The following WDR48 variants were observed in gnomAD, a reference collection of about 807,000 sequenced individuals.
WDR48 encodes WD repeat-containing protein 48.
A neutral mutation model predicts 94.0 loss-of-function variants in WDR48; 22 were observed. That is an observed-to-expected ratio of 0.23 (90% CI 0.17 to 0.33). The LOEUF (loss-of-function observed/expected upper bound fraction) is 0.33, where lower values mean the gene tolerates loss of function less well. Among genes scored for constraint, WDR48 ranks in the 10% least tolerant of loss-of-function variants. WDR48 has a pLI of 1.00. For missense variants in WDR48, 541 were observed against 813.8 expected (o/e 0.66, Z 4.08); for synonymous variants, 278 against 280.5 (o/e 0.99, Z 0.09).
intron 16 of WDR48, chr3:39,089,601 C>G (rs1334830490): frequency 4.6e-6 from 1 of 215,646 alleles, no homozygotes; most frequent in African/African-American, 2.3e-5. Context: ...TGCCCATTCA[C>G]TCCCTATCCT....
intron 9 of WDR48, 22 bp downstream of exon 9, chr3:39,077,235 C>A: frequency 6.2e-7 from 1 of 1,612,556 alleles, no homozygotes. Flanking sequence ...ATTAACCTGG[C>A]AAAGGTTTAT....
At chr3:39,093,425 C>T (rs964365508) in intron 17 of WDR48, among the ~76,000 whole-genome samples, 4 of 152,130 alleles carry the variant, frequency 2.6e-5, no homozygotes, top group South Asian at 2.1e-4. Context: ...AGTGCAGTGG[C>T]GTATCTTGGC....
chr3:39,072,922 A>C (rs972653800), intron 7 of WDR48, among the ~76,000 whole-genome samples: 5 of 152,194 alleles, frequency 3.3e-5, no homozygotes, highest in African/African-American at 1.2e-4. Context: ...TTACCATCAG[A>C]GATTACTTGG....
At position 39,094,986 on chromosome 3, in the gene WDR48, T is replaced by C; in HGVS notation, c.*243T>C. ...GAGCAGAAGAGCCCCAAGCAGACTA[T>C]GTCTTTCAAGATGTACAGAAGACTG... On this transcript the variant is annotated 3_prime_UTR_variant, in exon 19 of 19. Transcript: ENST00000302313. The C allele has an allele frequency of 1.8e-6, 1 of 549,782 alleles. No individual in the cohort carries two copies. Among genetic ancestry groups the C allele is most frequent in the Non-Finnish European group, 3.2e-6 (1 of 313,782 alleles). 34.1% of individuals were successfully genotyped at this position (549,782 alleles called of 1,614,324 possible).
intron 9 of WDR48, 50 bp downstream of exon 9, chr3:39,077,263 T>C (rs747978797): frequency 1.9e-6 from 3 of 1,605,078 alleles, no homozygotes; most frequent in African/African-American, 1.3e-5. Flanking sequence ...TATTTTGTTA[T>C]CACAGACCTG....
rs2034332649 is a variant in WDR48 at position 39,078,259 on chromosome 3, T to C, written c.1075+20T>C. The C allele has an allele frequency of 1.3e-6, 2 of 1,542,076 alleles. No individual in the cohort carries two copies. Among genetic ancestry groups the C allele is most frequent in the Non-Finnish European group, 1.8e-6 (2 of 1,124,654 alleles). ...TTAAAGGTAAGAAAATGGAAGGTACTGTACCCCTTATTGAAGTTAGCGATA... is the reference window on the plus strand; with the variant it reads ...TTAAAGGTAAGAAAATGGAAGGTACCGTACCCCTTATTGAAGTTAGCGATA... On this transcript the variant is annotated intron_variant, in intron 10 of 18. Coordinates refer to ENST00000302313, the MANE Select transcript of WDR48 (RefSeq NM_020839.4).
At chr3:39,078,272 G>A (rs763478801) in intron 10 of WDR48, 33 bp downstream of exon 10, 1 of 1,441,768 alleles carries the variant, frequency 6.9e-7, no homozygotes, top group Non-Finnish European at 9.6e-7. Context: ...ACCCCTTATT[G>A]AAGTTAGCGA....
chr3:39,071,242 A>G (rs1424976123), intron 7 of WDR48, among the ~76,000 whole-genome samples: 1 of 152,194 alleles, frequency 6.6e-6, no homozygotes, highest in Non-Finnish European at 1.5e-5. Context: ...GTATATGTAT[A>G]TATATGTGTT....
At position 39,065,820 on chromosome 3, in the gene WDR48, T is replaced by C; in HGVS notation, c.199T>C (p.Tyr67His). The C allele has an allele frequency of 6.2e-7, 1 of 1,604,086 alleles. No individual in the cohort carries two copies. Among genetic ancestry groups the C allele is most frequent in the African/African-American group, 1.3e-5 (1 of 74,316 alleles). Residue 67 changes from tyrosine (Y) to histidine (H), a missense_variant, in exon 3 of 19, where the codon TAT becomes CAT. By Grantham distance (83) the Tyr-to-His change is moderately conservative. Transcript: ENST00000302313. Reference sequence around the variant, plus strand: ...TTTCTTTTAATTTCAGCAAGATCCATATATAGCATCTATGGAACACCATAC... The same window carrying C: ...TTTCTTTTAATTTCAGCAAGATCCACATATAGCATCTATGGAACACCATAC... Reference protein sequence around the residue: ...WSVNQHKQDPYIASMEHHTDW... With the variant: ...WSVNQHKQDPHIASMEHHTDW...
rs200263843 is a variant in WDR48, at chr3:39,083,583, GATA to G, written c.1174-569_1174-567del. Among the ~76,000 whole-genome samples the G allele has an allele frequency of 3.9e-3, 593 of 152,276 alleles. 10 individuals are homozygous for G. The East Asian group carries it at 0.057, about 15-fold the overall frequency. On this transcript the variant is annotated intron_variant, in intron 11 of 18. Transcript: ENST00000302313. ...AAAGGAATCAGAGTCATGTGCTGAG[GATA>G]ATGGGGAAGGTGGCAAGGTCAGAGG... is the stretch of plus-strand genomic sequence containing the variant.
chr3:39,078,001 A>C (rs1456315736), intron 9 of WDR48, 136 bp from the exon 10 acceptor site: 1 of 615,522 alleles, frequency 1.6e-6, no homozygotes, highest in African/African-American at 1.9e-5. Flanking sequence ...TACTGTGACC[A>C]AATATTTTTC....
In WDR48 at chr3:39,085,483, A is replaced by G. The variant is rs201573786; in HGVS notation, c.1379-32A>G. ...TTAAAGCCAAGTAACTCGCTTTTCCATTTTATCTCTTTTTAATTAACTTTT... is the reference window on the plus strand; with the variant it reads ...TTAAAGCCAAGTAACTCGCTTTTCCGTTTTATCTCTTTTTAATTAACTTTT... On this transcript the variant is annotated intron_variant, in intron 13 of 18. Transcript: ENST00000302313. The G allele has an allele frequency of 9.1e-5, 142 of 1,563,208 alleles. No homozygotes were observed. The African/African-American group carries it at 1.5e-3, about 16-fold the overall frequency.
At chr3:39,081,789 G>C (rs2034548839) in intron 11 of WDR48, among the ~76,000 whole-genome samples, 1 of 152,190 alleles carries the variant, frequency 6.6e-6, no homozygotes, top group Admixed American at 6.5e-5. Flanking sequence ...CTCTTGGTCT[G>C]GTTAACTGAG....
intron 7 of WDR48, among the ~76,000 whole-genome samples, chr3:39,071,663 A>C (rs1269349379): frequency 1.3e-5 from 2 of 152,236 alleles, no homozygotes; most frequent in Non-Finnish European, 2.9e-5. Context: ...TTCTACTTTA[A>C]AAACTGCCTG....
intron 1 of WDR48, among the ~76,000 whole-genome samples, chr3:39,062,458 G>A (rs1319222320): frequency 1.3e-5 from 2 of 152,210 alleles, no homozygotes; most frequent in Non-Finnish European, 2.9e-5. Flanking sequence ...TGTGATAGGA[G>A]CTCAAAACCT....
chr3:39,055,564 A>G lies in WDR48; in HGVS notation c.48+3491A>G, dbSNP rs369712305. Among the ~76,000 whole-genome samples, 32 of 152,338 alleles carry G rather than the reference A, an allele frequency of 2.1e-4. No individual in the cohort carries two copies. The South Asian group carries it at 6.6e-3, about 32-fold the overall frequency. ...CATATTAATTGTAGACATAATTTTA[A>G]ATGAGTCCATGTCCTACCATCTTCA... On this transcript the variant is annotated intron_variant, in intron 1 of 18. Coordinates refer to ENST00000302313, the MANE Select transcript of WDR48 (RefSeq NM_020839.4).
chr3:39,083,912 A>G (rs2034664565), intron 11 of WDR48, among the ~76,000 whole-genome samples: 1 of 152,216 alleles, frequency 6.6e-6, no homozygotes, highest in Non-Finnish European at 1.5e-5. Context: ...GAGGTGGTAT[A>G]TTATATCAAT....
rs1410148734 is a variant in WDR48 at position 39,095,084 on chromosome 3, G to C, written c.*341G>C. ...CTTATCTACCCATTAACACTTGTTAGAGACACCTCAGTCGGGCCACAACTG... is the reference window on the plus strand; with the variant it reads ...CTTATCTACCCATTAACACTTGTTACAGACACCTCAGTCGGGCCACAACTG... On this transcript the variant is annotated 3_prime_UTR_variant, in exon 19 of 19. Transcript: ENST00000302313. 1 of 282,350 alleles carries C rather than the reference G, an allele frequency of 3.5e-6. No homozygotes were observed. Among genetic ancestry groups the C allele is most frequent in the Non-Finnish European group, 6.7e-6 (1 of 149,362 alleles). The allele number at this position is 282,350 out of a possible 1,614,324, so 17.5% of individuals were successfully genotyped here. A position where few individuals can be genotyped will look rare whatever the true frequency, so the allele number is the denominator to read the frequency against.
In WDR48 at chr3:39,096,228, A is replaced by G. The variant is rs966828770; in HGVS notation, c.*1485A>G. The G allele has an allele frequency of 3.9e-5, 6 of 152,358 alleles. No individual in the cohort carries two copies. Among genetic ancestry groups the G allele is most frequent in the Non-Finnish European group, 8.8e-5 (6 of 68,028 alleles). The allele number at this position is 152,358 out of a possible 1,614,324, so 9.4% of individuals were successfully genotyped here. ...GCCATTGCCACCTGCACTTTGAAGAAGTGAGCAAAGACGTGGCCACATTTC... is the reference window on the plus strand; with the variant it reads ...GCCATTGCCACCTGCACTTTGAAGAGGTGAGCAAAGACGTGGCCACATTTC... On this transcript the variant is annotated 3_prime_UTR_variant, in exon 19 of 19. Coordinates refer to ENST00000302313, the MANE Select transcript of WDR48 (RefSeq NM_020839.4).
Sources: gnomAD v4.1 joint callset for allele counts (sites outside exome capture counted in the v4.1 genomes callset) on GRCh38, gnomAD v4.1.1 for gene constraint, MANE v1.5 for transcripts, NCBI Gene and HGNC (gene_info 2026-07-23, HGNC 2026-07-21) for gene names.